PPIP5K2: variants seen among roughly 807,000 people sequenced by gnomAD.
PPIP5K2 encodes diphosphoinositol pentakisphosphate kinase 2.
In PPIP5K2, 105 loss-of-function variants were observed where a neutral mutation model predicts 154.6. The observed-to-expected ratio is 0.68, with a 90% CI of 0.58 to 0.80. PPIP5K2 has a LOEUF of 0.80. Ranked by LOEUF, PPIP5K2 falls within the 30% of genes least tolerant of loss-of-function variation. PPIP5K2 has a pLI of 0.00. For missense variants in PPIP5K2, 992 were observed against 1,504.6 expected, an observed-to-expected ratio of 0.66 and a Z score of 5.64; for synonymous variants, 480 against 490.3, an observed-to-expected ratio of 0.98 and a Z score of 0.28.
chr5:103,158,495 T>C lies in PPIP5K2; in HGVS notation c.1659T>C (p.His553=), dbSNP rs1554214473. The C allele has an allele frequency of 1.9e-6, 3 of 1,612,786 alleles. No homozygotes were observed. Among genetic ancestry groups the C allele is most frequent in the Non-Finnish European group, 2.5e-6 (3 of 1,179,666 alleles). The part of the protein sequence containing the change: ...GFPGCGLLRL[H]STYRHDLKIY... Reference sequence around the variant, plus strand: ...CTGGTTGTGGTTTACTTAGATTACATAGCACCTACAGACATGACCTCAAAA... The same window carrying C: ...CTGGTTGTGGTTTACTTAGATTACACAGCACCTACAGACATGACCTCAAAA... Residue 553 remains histidine (H), a synonymous_variant, in exon 16 of 31, where the codon CAT becomes CAC. Transcript: ENST00000358359.
intron 28 of PPIP5K2, chr5:103,189,066 A>G: frequency 1.3e-6 from 1 of 774,346 alleles, no homozygotes; most frequent in Non-Finnish European, 2.0e-6. Context: ...TCTTTAACAC[A>G]TATCATGGAC....
intron 18 of PPIP5K2, 53 bp downstream of exon 18, chr5:103,167,373 A>T (rs1554218250): frequency 7.3e-7 from 1 of 1,378,258 alleles, no homozygotes; most frequent in Non-Finnish European, 9.7e-7. Flanking sequence ...TATTCAATTA[A>T]GCATTTAATA....
intron 17 of PPIP5K2, among the ~76,000 whole-genome samples, chr5:103,164,481 A>G (rs1332995624): frequency 6.6e-6 from 1 of 152,042 alleles, no homozygotes; most frequent in Non-Finnish European, 1.5e-5. Context: ...TGTCTTTTAC[A>G]AAATGTGCAC....
At chr5:103,131,618 T>C (rs773831891) in intron 2 of PPIP5K2, among the ~76,000 whole-genome samples, 46 of 152,186 alleles carry the variant, frequency 3.0e-4, no homozygotes, top group Non-Finnish European at 5.1e-4. Context: ...TGCACTATTA[T>C]CACTTTACAG....
At chr5:103,173,762 T>A (rs1399795974) in intron 20 of PPIP5K2, 96 bp from the exon 21 acceptor site, 6 of 825,822 alleles carry the variant, frequency 7.3e-6, no homozygotes, top group African/African-American at 1.8e-5. Flanking sequence ...CTTTTACTTC[T>A]AGTGAAATTA....
chr5:103,200,470 A>G (rs782815287), intron 30 of PPIP5K2, among the ~76,000 whole-genome samples: 30 of 151,518 alleles, frequency 2.0e-4, no homozygotes, highest in East Asian at 5.8e-4. Context: ...ACTATTTAGT[A>G]TCTTCAGGTA....
At chr5:103,190,527 C>T (rs1562501228) in intron 28 of PPIP5K2, among the ~76,000 whole-genome samples, 1 of 151,890 alleles carries the variant, frequency 6.6e-6, no homozygotes, top group Non-Finnish European at 1.5e-5. Context: ...AAAATAAAAA[C>T]TGAAAACTTG....
At chr5:103,188,894 A>G (rs782402920) in intron 28 of PPIP5K2, 2 of 319,906 alleles carry the variant, frequency 6.3e-6, no homozygotes, top group Admixed American at 4.8e-5. Context: ...GCACATACAA[A>G]TGCACATAAG....
chr5:103,171,439 A>G (rs1275262208), intron 19 of PPIP5K2, among the ~76,000 whole-genome samples: 5 of 151,538 alleles, frequency 3.3e-5, no homozygotes, highest in African/African-American at 1.2e-4. Context: ...TGACATTCTC[A>G]TTGAAATCAC....
chr5:103,122,520 C>G (rs1554199405), intron 1 of PPIP5K2, among the ~76,000 whole-genome samples: 1 of 152,154 alleles, frequency 6.6e-6, no homozygotes, highest in East Asian at 1.9e-4. Context: ...TTGTGTGGAA[C>G]TTGGAATAGG....
chr5:103,205,645 T>TA lies in PPIP5K2; in HGVS notation c.*4012dup, dbSNP rs1192161291. 6.6e-6 allele frequency: 1 copy of TA among 152,236 alleles called. No homozygotes were observed. Among genetic ancestry groups the TA allele is most frequent in the Non-Finnish European group, 1.5e-5 (1 of 68,042 alleles). 9.4% of individuals were successfully genotyped at this position (152,236 alleles called of 1,614,324 possible). A position where few individuals can be genotyped will look rare whatever the true frequency, so the allele number is the denominator to read the frequency against. ...ATTGTGAGAAAAACATCTTTTCGCT[T>TA]AGGGATCACTGTCAATTTCTCCTTT... On this transcript the variant is annotated 3_prime_UTR_variant, in exon 31 of 31. Transcript: ENST00000358359.
chr5:103,190,235 C>T (rs1262177379), intron 28 of PPIP5K2, among the ~76,000 whole-genome samples: 4 of 152,026 alleles, frequency 2.6e-5, no homozygotes, highest in African/African-American at 9.6e-5. Flanking sequence ...CTTGGCCTAA[C>T]TTTACACAGC....
In PPIP5K2 at chr5:103,192,562, G is replaced by T. The variant is rs76365952; in HGVS notation, c.3493+1580G>T. ...ACACTATTTAGATTGTAGAAGACTTGCAATGAATGATTTGAAGGTAATAGA... is the reference window on the plus strand; with the variant it reads ...ACACTATTTAGATTGTAGAAGACTTTCAATGAATGATTTGAAGGTAATAGA... On this transcript the variant is annotated intron_variant, in intron 29 of 30. Coordinates refer to ENST00000358359, the MANE Select transcript of PPIP5K2 (RefSeq NM_001276277.3). Among the ~76,000 whole-genome samples the T allele has an allele frequency of 8.4e-4, 128 of 152,154 alleles. 3 individuals carry two copies. In the East Asian group the frequency reaches 0.022, roughly 26 times the overall value.
At chr5:103,149,402 AG>A (rs1257240530) in intron 8 of PPIP5K2, 89 bp downstream of exon 8, 1 of 1,262,464 alleles carries the variant, frequency 7.9e-7, no homozygotes, top group Admixed American at 2.4e-5. Flanking sequence ...TTATAATTGG[AG>A]AAGTAAACCG....
rs1248706241 is a variant in PPIP5K2 at position 103,146,646 on chromosome 5, T to C, written c.607T>C (p.Ser203Pro). ...DHNVYIYYPT[S>P]AGGGSQRLFR... ...CAATGTTTACATTTATTACCCAACT[T>C]CTGCTGGTGGTGGAAGTCAAAGACT... Residue 203 changes from serine (S) to proline (P), a missense_variant, in exon 6 of 31, where the codon TCT becomes CCT. Ser to Pro is a moderately conservative substitution (Grantham distance 74, BLOSUM62 -1). Transcript: ENST00000358359. 6.2e-7 allele frequency: 1 copy of C among 1,611,864 alleles called. No homozygotes were observed. Among genetic ancestry groups the C allele is most frequent in the African/African-American group, 1.3e-5 (1 of 74,976 alleles).
chr5:103,129,741 A>G (rs1554202089), intron 2 of PPIP5K2, 38 bp downstream of exon 2: 2 of 1,557,620 alleles, frequency 1.3e-6, no homozygotes, highest in South Asian at 1.2e-5. Flanking sequence ...GAGAAGACCA[A>G]TACAGTATAG....
In PPIP5K2 at chr5:103,186,528, T is replaced by G. The variant is rs1445895141; in HGVS notation, c.3289+89T>G. The G allele has an allele frequency of 2.6e-6, 4 of 1,550,448 alleles. No individual in the cohort carries two copies. The African/African-American group carries it at 5.4e-5, about 21-fold the overall frequency. On this transcript the variant is annotated intron_variant, in intron 27 of 30. Coordinates refer to ENST00000358359, the MANE Select transcript of PPIP5K2 (RefSeq NM_001276277.3). ...TTCTCAAAGGCAAATCTAAGGCCAC[T>G]GACTGATTCGAGTGAAATCCTGTCA...
At chr5:103,168,019 A>G in intron 18 of PPIP5K2, 53 bp from the exon 19 acceptor site, 1 of 1,131,968 alleles carries the variant, frequency 8.8e-7, no homozygotes, top group South Asian at 1.4e-5. Flanking sequence ...ATTAATATAT[A>G]TTCTAAATCA....
At chr5:103,160,753 T>G (rs1190394266) in intron 17 of PPIP5K2, among the ~76,000 whole-genome samples, 1 of 152,108 alleles carries the variant, frequency 6.6e-6, no homozygotes, top group African/African-American at 2.4e-5. Context: ...ATATTACAAT[T>G]TATATATGCT....
Sources: allele counts gnomAD v4.1 joint callset (sites outside exome capture counted in the v4.1 genomes callset), GRCh38; gene constraint gnomAD v4.1.1; transcripts MANE v1.5; gene names NCBI Gene and HGNC (gene_info 2026-07-23, HGNC 2026-07-21).